Variants in NCAPD2 observed in about 807,000 individuals in gnomAD.
NCAPD2 encodes condensin complex subunit 1.
A neutral mutation model predicts 164.5 loss-of-function variants in NCAPD2; 100 were observed. That is an observed-to-expected ratio of 0.61 (90% CI 0.52 to 0.72). The LOEUF is 0.72. NCAPD2 is among the 30% of genes least tolerant of loss of function. NCAPD2 has a pLI of 0.00. For missense variants in NCAPD2, 1,560 were observed against 1,749.2 expected, an observed-to-expected ratio of 0.89 and a Z score of 1.93; for synonymous variants, 585 against 642.6, an observed-to-expected ratio of 0.91 and a Z score of 1.36.
chr12:6,504,170 CATATATATATACATATATATATATAT>C lies in NCAPD2; in HGVS notation c.128-5535_128-5510del, dbSNP rs1226272577. ...CATGGACTATCTCATTCAGTTTTGA[CATATATATATACATATATATATATAT>C]ATATATATATATATATATATAGATA... On this transcript the variant is annotated intron_variant, in intron 2 of 31. Transcript: ENST00000315579. 2.8e-4 allele frequency among the ~76,000 whole-genome samples: 34 copies of C among 121,128 alleles called. No homozygotes were observed. In the East Asian group the frequency reaches 6.6e-3, roughly 24 times the overall value. The allele number at this position is 121,128 out of a possible 152,430, so 79.5% of individuals were successfully genotyped here.
intron 2 of NCAPD2, among the ~76,000 whole-genome samples, chr12:6,509,264 A>AT (rs1218862396): frequency 2.0e-4 from 30 of 150,842 alleles, no homozygotes; most frequent in Admixed American, 1.3e-3. Context: ...ATTTTATTTT[A>AT]TTTTTTTTTG....
chr12:6,511,108 A>G lies in NCAPD2; in HGVS notation c.445-2A>G. On this transcript the variant is annotated splice_acceptor_variant, in intron 5 of 31. Coordinates refer to ENST00000315579, the MANE Select transcript of NCAPD2 (RefSeq NM_014865.4). LOFTEE classifies it high-confidence loss of function. ...CCTCAATGTATACATGATCCTTTTT[A>G]GGGTAAGAAAGCTCGGACCAAGGCA... 1.9e-6 allele frequency: 3 copies of G among 1,612,996 alleles called. No individual in the cohort carries two copies. The highest frequency in any genetic ancestry group is 1.7e-6 in the Non-Finnish European group (2 of 1,179,716).
intron 17 of NCAPD2, 86 bp downstream of exon 17, chr12:6,523,432 C>G: frequency 9.1e-7 from 1 of 1,101,430 alleles, no homozygotes; most frequent in East Asian, 2.6e-5. Context: ...GAGTCATGCC[C>G]CATTGCCCAG....
In NCAPD2 at chr12:6,514,318, A is replaced by T; in HGVS notation, c.641A>T (p.Gln214Leu). ...CTGGAGAATCCCACCATTAATCACC[A>T]GAAGAACCGCCCCACTCGGGAAGCC... is the stretch of plus-strand genomic sequence containing the variant. Reference protein sequence around the residue: ...RLLENPTINHQKNRPTREAIT... With the variant: ...RLLENPTINHLKNRPTREAIT... The change falls in exon 7 of 32, where the codon CAG (glutamine) becomes CTG (leucine). Residue 214 changes from glutamine (Q) to leucine (L), a missense_variant. Physicochemically the swap from Gln to Leu is moderately radical, Grantham distance 113. Coordinates refer to ENST00000315579, the MANE Select transcript of NCAPD2 (RefSeq NM_014865.4). 6.2e-7 allele frequency: 1 copy of T among 1,614,180 alleles called. No homozygotes were observed. The highest frequency in any genetic ancestry group is 8.5e-7 in the Non-Finnish European group (1 of 1,180,034).
In NCAPD2 at chr12:6,530,770, G is replaced by A; in HGVS notation, c.3917G>A (p.Gly1306Asp). Residue 1306 changes from glycine to aspartate, a missense_variant, in exon 30 of 32, where the codon GGC becomes GAC. By Grantham distance (94) the Gly-to-Asp change is moderately conservative. Transcript: ENST00000315579. ...GLDGIKELEI[G>D]QAGSQRAPSA... Reference sequence around the variant, plus strand: ...GATGGAATCAAGGAGCTTGAGATTGGCCAAGCAGGTAGCCAGAGAGCGCCA... The same window carrying A: ...GATGGAATCAAGGAGCTTGAGATTGACCAAGCAGGTAGCCAGAGAGCGCCA... 1.9e-6 allele frequency: 3 copies of A among 1,614,210 alleles called. No individual in the cohort carries two copies. The highest frequency in any genetic ancestry group is 2.5e-6 in the Non-Finnish European group (3 of 1,180,048).
intron 9 of NCAPD2, 146 bp from the exon 10 acceptor site, chr12:6,516,682 T>C (rs1946204103): frequency 1.3e-6 from 1 of 785,904 alleles, no homozygotes; most frequent in Non-Finnish European, 2.0e-6. Flanking sequence ...TAGCATTCTC[T>C]GAGCAACAAG....
chr12:6,523,396 T>TTG (rs752549025), intron 17 of NCAPD2, 50 bp downstream of exon 17: 6 of 1,355,158 alleles, frequency 4.4e-6, no homozygotes, highest in Non-Finnish European at 6.0e-6. Flanking sequence ...AGTATTTTGG[T>TTG]TGTTTTTTTT....
intron 2 of NCAPD2, among the ~76,000 whole-genome samples, chr12:6,497,298 CCT>C (rs1945993063): frequency 1.7e-4 from 1 of 5,850 alleles, no homozygotes; most frequent in African/African-American, 7.5e-4. Context: ...TAAATGGTCA[CCT>C]TTTTTTTTTT....
chr12:6,505,536 T>A (rs915281739), intron 2 of NCAPD2, among the ~76,000 whole-genome samples: 3 of 152,208 alleles, frequency 2.0e-5, no homozygotes, highest in Admixed American at 2.0e-4. Context: ...TATGCAGTTA[T>A]GATTTAATAC....
intron 2 of NCAPD2, among the ~76,000 whole-genome samples, chr12:6,499,590 C>G (rs1278082223): frequency 1.3e-5 from 2 of 151,882 alleles, no homozygotes; most frequent in African/African-American, 2.4e-5. Context: ...TGGGGTTTCA[C>G]CATGTTGGCC....
In NCAPD2 at chr12:6,531,794, A is replaced by C; in HGVS notation, c.*382A>C. 4.3e-6 allele frequency: 1 copy of C among 233,000 alleles called. No homozygotes were observed. Among genetic ancestry groups the C allele is most frequent in the South Asian group, 5.0e-5 (1 of 20,086 alleles). The allele number at this position is 233,000 out of a possible 1,614,324, so 14.4% of individuals were successfully genotyped here. ...ACTCCAGCTTGGGCAACAATAGCGA[A>C]CCTCCATCTCAAATTAAAAAAAAAA... is the stretch of plus-strand genomic sequence containing the variant. On this transcript the variant is annotated 3_prime_UTR_variant, in exon 32 of 32. Transcript: ENST00000315579. This position sits in a 1 kb window ranked among gnomAD's most constrained non-coding sequence, Gnocchi z 4.1.
intron 2 of NCAPD2, among the ~76,000 whole-genome samples, chr12:6,501,341 C>G (rs1481588326): frequency 6.7e-6 from 1 of 149,950 alleles, no homozygotes; most frequent in Admixed American, 6.7e-5. Flanking sequence ...CCCAGGGTCA[C>G]GACACCTGGC....
chr12:6,516,241 C>T (rs892089541), intron 9 of NCAPD2, among the ~76,000 whole-genome samples: 17 of 151,482 alleles, frequency 1.1e-4, no homozygotes, highest in Admixed American at 7.9e-4. Flanking sequence ...CGGTGGCTCA[C>T]GCCTATAATC....
In NCAPD2 at chr12:6,526,105, C is replaced by T; in HGVS notation, c.2386C>T (p.Leu796=). The T allele has an allele frequency of 6.2e-7, 1 of 1,614,144 alleles. No individual in the cohort carries two copies. The change falls in exon 19 of 32, where the codon CTG becomes TTG. Residue 796 remains leucine (L), a synonymous_variant. Coordinates refer to ENST00000315579, the MANE Select transcript of NCAPD2 (RefSeq NM_014865.4). Reference sequence around the variant, plus strand: ...AATTGTGGGAAGCAATTTAGACACACTGGTGAGCATAGGGCTGGATGAGAA... The same window carrying T: ...AATTGTGGGAAGCAATTTAGACACATTGGTGAGCATAGGGCTGGATGAGAA... ...PEIVGSNLDT[L]VSIGLDEKFP...
intron 1 of NCAPD2, 34 bp downstream of exon 1, chr12:6,494,188 G>C (rs1314204316): frequency 6.6e-6 from 1 of 152,304 alleles, no homozygotes; most frequent in East Asian, 1.9e-4. Context: ...TAAAAGAGTA[G>C]GAAAGTCGAG....
intron 2 of NCAPD2, among the ~76,000 whole-genome samples, chr12:6,507,263 C>A (rs377619022): frequency 3.9e-5 from 6 of 152,306 alleles, no homozygotes; most frequent in African/African-American, 1.4e-4. Context: ...AGGCTTGAGC[C>A]CAGCCCATCT....
chr12:6,529,100 C>T (rs1946347274), intron 27 of NCAPD2, 61 bp downstream of exon 27: 4 of 1,453,418 alleles, frequency 2.8e-6, no homozygotes, highest in South Asian at 1.1e-5. Flanking sequence ...GAATCAGACA[C>T]ACCTGTATTT....
chr12:6,505,789 T>C (rs1218316356), intron 2 of NCAPD2, among the ~76,000 whole-genome samples: 3 of 152,140 alleles, frequency 2.0e-5, no homozygotes, highest in Non-Finnish European at 4.4e-5. Flanking sequence ...CGCTGGAACC[T>C]GGGAGGCAGA....
At chr12:6,503,071 T>G (rs1280978186) in intron 2 of NCAPD2, among the ~76,000 whole-genome samples, 1 of 145,300 alleles carries the variant, frequency 6.9e-6, no homozygotes, top group Non-Finnish European at 1.5e-5. Context: ...TTGGTCAGGC[T>G]GGTCTCGAAC....
Sources: gnomAD v4.1 joint callset for allele counts (sites outside exome capture counted in the v4.1 genomes callset) on GRCh38, gnomAD v4.1.1 for gene constraint, Gnocchi (gnomAD v3.1) non-coding constraint, MANE v1.5 for transcripts, NCBI Gene and HGNC (gene_info 2026-07-23, HGNC 2026-07-21) for gene names.